RPS6KC1: variants seen among roughly 807,000 people sequenced by gnomAD.
RPS6KC1 encodes inactive ribosomal protein S6 kinase delta-1.
RPS6KC1 carries 54 observed loss-of-function variants against 103.8 expected under a neutral mutation model. The ratio of observed to expected loss-of-function variants is 0.52; its 90% CI spans 0.42 to 0.65. The LOEUF (loss-of-function observed/expected upper bound fraction) is 0.65. Ranked by LOEUF, RPS6KC1 falls within the 30% of genes least tolerant of loss-of-function variation. The probability of loss-of-function intolerance (pLI) is 0.00; values close to 1 mark genes in which losing one functional copy is unlikely to be tolerated. For missense variants in RPS6KC1, 1,151 were observed against 1,253.8 expected (o/e 0.92, Z 1.24); for synonymous variants, 439 against 438.7 (o/e 1.00, Z -0.01).
chr1:213,092,473 A>C (rs1365030452), intron 3 of RPS6KC1, among the ~76,000 whole-genome samples: 3 of 151,622 alleles, frequency 2.0e-5, no homozygotes, highest in South Asian at 2.1e-4. Flanking sequence ...AGATCGAGAC[A>C]ATCCTGGCTA....
At chr1:213,210,173 A>T (rs1162650658) in intron 8 of RPS6KC1, among the ~76,000 whole-genome samples, 1 of 152,142 alleles carries the variant, frequency 6.6e-6, no homozygotes, top group African/African-American at 2.4e-5. Flanking sequence ...AGCAGGAGTC[A>T]GCCTCATTTT....
intron 8 of RPS6KC1, among the ~76,000 whole-genome samples, chr1:213,185,736 T>C (rs1190208243): frequency 6.6e-6 from 1 of 152,034 alleles, no homozygotes; most frequent in African/African-American, 2.4e-5. Flanking sequence ...CTTTTTTTTT[T>C]CCTGCTTATT....
the RPS6KC1 span, among the ~76,000 whole-genome samples, chr1:213,655,148 T>C: frequency 2.6e-5 from 4 of 152,220 alleles, no homozygotes; most frequent in Non-Finnish European, 1.5e-5. Flanking sequence ...GCTCAAGTGA[T>C]TTTCGTGCCT....
chr1:213,354,460 T>G, the RPS6KC1 span, among the ~76,000 whole-genome samples: 1 of 152,238 alleles, frequency 6.6e-6, no homozygotes, highest in Non-Finnish European at 1.5e-5. Context: ...GATATTTTTA[T>G]TCTGATGAGT....
At chr1:213,170,775 T>C (rs567409596) in intron 7 of RPS6KC1, among the ~76,000 whole-genome samples, 1 of 152,360 alleles carries the variant, frequency 6.6e-6, no homozygotes, top group South Asian at 2.1e-4. Context: ...TATTTTCTCA[T>C]GTATAATTTA....
the RPS6KC1 span, among the ~76,000 whole-genome samples, chr1:213,716,167 G>A: frequency 6.6e-6 from 1 of 152,160 alleles, no homozygotes; most frequent in Non-Finnish European, 1.5e-5. Flanking sequence ...TTAAATAGGA[G>A]TTTCTCAAAT....
the RPS6KC1 span, among the ~76,000 whole-genome samples, chr1:213,658,662 C>A: frequency 6.6e-6 from 1 of 152,070 alleles, no homozygotes; most frequent in Non-Finnish European, 1.5e-5. Flanking sequence ...GGTTCTGGAG[C>A]AATAAAATAA....
the RPS6KC1 span, among the ~76,000 whole-genome samples, chr1:213,839,508 T>C: frequency 6.6e-6 from 1 of 152,194 alleles, no homozygotes; most frequent in Non-Finnish European, 1.5e-5. Context: ...CATTTTAAGT[T>C]CATTATGGGT....
the RPS6KC1 span, among the ~76,000 whole-genome samples, chr1:213,447,073 A>AT: frequency 0.022 from 3,180 of 145,418 alleles, 103 homozygotes; most frequent in African/African-American, 0.071. Context: ...TGATGCCAGT[A>AT]TTTTTTTTTT....
chr1:213,105,278 G>T (rs1434701387), intron 4 of RPS6KC1, among the ~76,000 whole-genome samples: 1 of 146,200 alleles, frequency 6.8e-6, no homozygotes, highest in Non-Finnish European at 1.5e-5. Context: ...AACTGTATCG[G>T]TATATGTTGT....
chr1:213,260,653 T>G (rs1573673621), intron 12 of RPS6KC1, among the ~76,000 whole-genome samples: 1 of 151,902 alleles, frequency 6.6e-6, no homozygotes, highest in Admixed American at 6.6e-5. Context: ...AGGGTTTTTT[T>G]TTTTTTCAGT....
the RPS6KC1 span, among the ~76,000 whole-genome samples, chr1:213,607,186 C>T: frequency 6.6e-6 from 1 of 152,166 alleles, no homozygotes; most frequent in Non-Finnish European, 1.5e-5. Flanking sequence ...TCGGAAGAAA[C>T]AAGCATCATA....
At chr1:213,778,892 G>A in the RPS6KC1 span, among the ~76,000 whole-genome samples, 84 of 152,140 alleles carry the variant, frequency 5.5e-4, no homozygotes, top group African/African-American at 1.9e-3. Context: ...CCACCCCACC[G>A]CCCCACTCCG....
chr1:213,495,653 A>G, the RPS6KC1 span, among the ~76,000 whole-genome samples: 2 of 152,212 alleles, frequency 1.3e-5, no homozygotes, highest in African/African-American at 2.4e-5. Flanking sequence ...GGGGAGCAGA[A>G]GGACAGAGAA....
the RPS6KC1 span, among the ~76,000 whole-genome samples, chr1:213,441,989 A>C: frequency 6.6e-6 from 1 of 152,192 alleles, no homozygotes; most frequent in Admixed American, 6.5e-5. Context: ...TTCAATTTTC[A>C]ATTTAAAAAG....
the RPS6KC1 span, chr1:213,731,338 G>A: frequency 4.6e-5 from 7 of 152,174 alleles, no homozygotes; most frequent in Non-Finnish European, 8.8e-5. Flanking sequence ...GCTTTGGGGA[G>A]TATAGTCACT....
At chr1:213,128,199 C>A (rs1366052784) in intron 5 of RPS6KC1, among the ~76,000 whole-genome samples, 1 of 152,160 alleles carries the variant, frequency 6.6e-6, no homozygotes, top group Non-Finnish European at 1.5e-5. Flanking sequence ...GAGATTCTAG[C>A]TATCTGCTGT....
the RPS6KC1 span, among the ~76,000 whole-genome samples, chr1:213,591,685 G>C: frequency 0.012 from 1,860 of 152,274 alleles, 24 homozygotes; most frequent in Middle Eastern, 0.054. Flanking sequence ...CTGAGATGGA[G>C]ATTATAAAGA....
the RPS6KC1 span, among the ~76,000 whole-genome samples, chr1:213,761,701 A>C: frequency 4.6e-3 from 693 of 152,298 alleles, 7 homozygotes; most frequent in African/African-American, 0.016. Context: ...GTGCCCAGCC[A>C]GGTTCCTGGG....
Sources: allele counts gnomAD v4.1 joint callset (sites outside exome capture counted in the v4.1 genomes callset), GRCh38; gene constraint gnomAD v4.1.1; transcripts MANE v1.5; gene names NCBI Gene and HGNC (gene_info 2026-07-23, HGNC 2026-07-21).